P3H2: variants seen among roughly 807,000 people sequenced by gnomAD.
P3H2 encodes prolyl 3-hydroxylase 2, also known as leprecan-like 1.
Under a neutral mutation model 87.0 loss-of-function variants are expected in P3H2, and 80 were observed. The observed-to-expected ratio is 0.92, with a 90% CI of 0.77 to 1.11. P3H2 has a LOEUF of 1.11. P3H2 is among the 50% of genes least tolerant of loss of function. P3H2 has a pLI of 0.00. For missense variants in P3H2, 1,001 were observed against 923.9 expected (o/e 1.08, Z -1.08); for synonymous variants, 367 against 359.3 (o/e 1.02, Z -0.24).
rs1003114965 is a variant in P3H2 at position 189,966,166 on chromosome 3, A to C, written c.1894-2068T>G. On this transcript the variant is annotated intron_variant, in intron 13 of 14. Transcript: ENST00000319332. ...AAGAAAGAAAGAAAGAAAGAAAGAA[A>C]GAAAGAAAGAAAGAAAGAAAGAAAG... 4.1e-5 allele frequency among the ~76,000 whole-genome samples: 6 copies of C among 147,784 alleles called. No individual in the cohort carries two copies. In the South Asian group the frequency reaches 1.3e-3, roughly 31 times the overall value.
intron 14 of P3H2, among the ~76,000 whole-genome samples, chr3:189,960,753 C>T (rs1722786697): frequency 6.6e-6 from 1 of 152,146 alleles, no homozygotes; most frequent in Non-Finnish European, 1.5e-5. Context: ...AGTGCCTGCG[C>T]ACAGTAAGTT....
chr3:189,997,046 G>T (rs183861273), intron 1 of P3H2, among the ~76,000 whole-genome samples: 3 of 152,100 alleles, frequency 2.0e-5, no homozygotes, highest in Admixed American at 1.3e-4. Context: ...TTTTTGAGAC[G>T]GAGTCTTGCT....
intron 1 of P3H2, among the ~76,000 whole-genome samples, chr3:190,118,786 T>C (rs1712396090): frequency 6.6e-6 from 1 of 152,064 alleles, no homozygotes; most frequent in Admixed American, 6.5e-5. Context: ...ACATGGTATG[T>C]ACTTTCATCT....
At chr3:190,100,231 G>A (rs1458326267) in intron 1 of P3H2, among the ~76,000 whole-genome samples, 2 of 117,882 alleles carry the variant, frequency 1.7e-5, no homozygotes, top group East Asian at 2.9e-4. Context: ...GCAAAACTCC[G>A]TCCCCCGCCC....
rs749860314 is a variant in P3H2 at position 189,983,067 on chromosome 3, T to A, written c.1303A>T (p.Ile435Leu). 3.7e-6 allele frequency: 6 copies of A among 1,613,784 alleles called. No homozygotes were observed. The South Asian group carries it at 6.6e-5, about 18-fold the overall frequency. The change falls in exon 8 of 15, where the codon ATA becomes TTA. Residue 435 changes from isoleucine to leucine, a missense_variant. Coordinates refer to ENST00000319332, the MANE Select transcript of P3H2 (RefSeq NM_018192.4). ...FSMGKKLSPK[I>L]DRDLREGGPL... ...TTACCTTCTCTTAGGTCTCGATCTA[T>A]CTTGGGTGATAGCTTTTTTCCCATT... is the stretch of plus-strand genomic sequence containing the variant.
intron 12 of P3H2, 57 bp downstream of exon 12, chr3:189,971,833 T>C: frequency 1.9e-6 from 2 of 1,055,826 alleles, no homozygotes; most frequent in South Asian, 2.5e-5. Flanking sequence ...TTTCCAGTTT[T>C]CACTGCTTGA....
intron 13 of P3H2, 34 bp from the exon 14 acceptor site, chr3:189,964,132 G>C: frequency 6.3e-7 from 1 of 1,599,416 alleles, no homozygotes. Flanking sequence ...ACTTTCAATT[G>C]TTGTATCATA....
intron 1 of P3H2, among the ~76,000 whole-genome samples, chr3:190,072,934 T>C (rs1055897811): frequency 6.6e-6 from 1 of 152,182 alleles, no homozygotes; most frequent in African/African-American, 2.4e-5. Flanking sequence ...TGAACATAAA[T>C]TATTCCAGAG....
intron 1 of P3H2, among the ~76,000 whole-genome samples, chr3:190,102,456 G>A (rs1711663857): frequency 6.6e-6 from 1 of 152,200 alleles, no homozygotes; most frequent in African/African-American, 2.4e-5. Context: ...TGATTTCGAG[G>A]AATTCAAGAT....
chr3:189,972,754 T>G lies in P3H2; in HGVS notation c.1699+120A>C. 3 of 1,121,392 alleles carry G rather than the reference T, an allele frequency of 2.7e-6. No individual in the cohort carries two copies. The South Asian group carries it at 3.9e-5, about 14-fold the overall frequency. The allele number at this position is 1,121,392 out of a possible 1,614,324, so 69.5% of individuals were successfully genotyped here. A position where few individuals can be genotyped will look rare whatever the true frequency, so the allele number is the denominator to read the frequency against. On this transcript the variant is annotated intron_variant, in intron 11 of 14. Coordinates refer to ENST00000319332, the MANE Select transcript of P3H2 (RefSeq NM_018192.4). ...ATAAGAGTTCATAAGCTACTTTTGT[T>G]TTGGAAATCTAGAATTCGTCTAAAA...
chr3:190,034,196 G>T (rs994941627), intron 1 of P3H2, among the ~76,000 whole-genome samples: 2 of 148,008 alleles, frequency 1.4e-5, no homozygotes, highest in Admixed American at 7.0e-5. Context: ...CTAGATAAAG[G>T]GATAGTTGAA....
chr3:190,004,266 G>A (rs114597204), intron 1 of P3H2, among the ~76,000 whole-genome samples: 235 of 152,290 alleles, frequency 1.5e-3, no homozygotes, highest in African/African-American at 5.6e-3. Context: ...TATTGAGTTT[G>A]TCTGCCCAAG....
chr3:190,029,037 A>G (rs1577282698), intron 1 of P3H2, among the ~76,000 whole-genome samples: 2 of 152,246 alleles, frequency 1.3e-5, no homozygotes, highest in East Asian at 3.8e-4. Context: ...AGTCATTTAC[A>G]TGACTTAAAG....
chr3:189,972,986 A>T lies in P3H2; in HGVS notation c.1587T>A (p.Arg529=). The T allele has an allele frequency of 6.8e-6, 11 of 1,613,828 alleles. No homozygotes were observed. The highest frequency in any genetic ancestry group is 9.3e-6 in the Non-Finnish European group (11 of 1,179,902). Reference sequence around the variant, plus strand: ...CCTTTTCGCTGATGTCATAAAACAGACGAGCGCTCTTCAGTGGGACTCGAC... The same window carrying T: ...CCTTTTCGCTGATGTCATAAAACAGTCGAGCGCTCTTCAGTGGGACTCGAC... The part of the protein sequence containing the change: ...YEGRVPLKSA[R]LFYDISEKAR... Residue 529 remains arginine, a synonymous_variant, in exon 11 of 15, where the codon CGT becomes CGA. Transcript: ENST00000319332.
At chr3:190,112,321 C>T (rs1261599761) in intron 1 of P3H2, among the ~76,000 whole-genome samples, 3 of 152,204 alleles carry the variant, frequency 2.0e-5, no homozygotes, top group Non-Finnish European at 4.4e-5. Flanking sequence ...ATTAATGTGG[C>T]AGACGGGCAG....
At chr3:190,035,765 T>A (rs189129956) in intron 1 of P3H2, among the ~76,000 whole-genome samples, 5 of 152,174 alleles carry the variant, frequency 3.3e-5, no homozygotes, top group African/African-American at 1.2e-4. Flanking sequence ...GCTAAATACC[T>A]TCTGTTGGGC....
chr3:189,973,022 A>T lies in P3H2; in HGVS notation c.1551T>A (p.Ser517=), dbSNP rs375517196. 2 of 1,569,260 alleles carry T rather than the reference A, an allele frequency of 1.3e-6. No individual in the cohort carries two copies. Among genetic ancestry groups the T allele is most frequent in the Non-Finnish European group, 1.7e-6 (2 of 1,160,890 alleles). ...TCAGTGGGACTCGACCTTCATAACC[A>T]GACTGAAAAAAAAAAACAAAACATG... is the stretch of plus-strand genomic sequence containing the variant. ...EGATVLKALK[S]GYEGRVPLKS... Residue 517 remains serine (S), a splice_region_variant and synonymous_variant, in exon 11 of 15, where the codon TCT becomes TCA. Coordinates refer to ENST00000319332, the MANE Select transcript of P3H2 (RefSeq NM_018192.4).
Position 189,971,900 on chromosome 3 carries a change from G to A in P3H2, c.1807C>T (p.Arg603Ter), listed in dbSNP as rs35067805. ...AGGTTCTAGCTATACCTATAGTCTC[G>A]AAATGTGTAAGCAGGAGGCTCCTTC... Reference protein sequence around the residue: ...CWKEPPAYTFRDYSALLYMND... With the variant: ...CWKEPPAYTF Residue 603 changes from arginine to a stop codon, truncating the protein, a stop_gained, in exon 12 of 15, where the codon CGA (arginine) becomes TGA (stop). Coordinates refer to ENST00000319332, the MANE Select transcript of P3H2 (RefSeq NM_018192.4). LOFTEE classifies it high-confidence loss of function. 4.6e-5 allele frequency: 74 copies of A among 1,599,652 alleles called. No individual in the cohort carries two copies. Among genetic ancestry groups the A allele is most frequent in the Non-Finnish European group, 5.8e-5 (68 of 1,166,946 alleles).
At chr3:190,011,072 C>T (rs1447653043) in intron 1 of P3H2, among the ~76,000 whole-genome samples, 2 of 152,092 alleles carry the variant, frequency 1.3e-5, no homozygotes, top group Non-Finnish European at 2.9e-5. Context: ...GAGATTGAGA[C>T]GATCCTGGCC....
Sources: gnomAD v4.1 joint callset for allele counts (sites outside exome capture counted in the v4.1 genomes callset) on GRCh38, gnomAD v4.1.1 for gene constraint, MANE v1.5 for transcripts, NCBI Gene and HGNC (gene_info 2026-07-23, HGNC 2026-07-21) for gene names.